Variants in EXOC4 observed in about 807,000 individuals in gnomAD.
EXOC4 encodes exocyst complex component 4.
Under a neutral mutation model 107.2 loss-of-function variants are expected in EXOC4, and 71 were observed. The observed-to-expected ratio is 0.66, with a 90% CI of 0.55 to 0.81. The LOEUF is 0.81. Ranked by LOEUF, EXOC4 falls within the 30% of genes least tolerant of loss-of-function variation. The pLI is 0.00. For synonymous variants in EXOC4, 456 were observed against 441.2 expected (o/e 1.03, Z -0.42); for missense variants, 1,108 against 1,189.6 (o/e 0.93, Z 1.01).
intron 11 of EXOC4, among the ~76,000 whole-genome samples, chr7:133,882,246 C>G (rs1345609196): frequency 6.6e-6 from 1 of 152,180 alleles, no homozygotes; most frequent in Non-Finnish European, 1.5e-5. Context: ...TTTTATTTAT[C>G]TGCTCTACTG....
chr7:133,800,561 A>G (rs1796917502), intron 10 of EXOC4, among the ~76,000 whole-genome samples: 1 of 152,220 alleles, frequency 6.6e-6, no homozygotes, highest in Non-Finnish European at 1.5e-5. Context: ...GTAATATCAC[A>G]TTATTAAGTA....
intron 5 of EXOC4, among the ~76,000 whole-genome samples, chr7:133,353,336 G>A (rs1357104958): frequency 1.3e-5 from 2 of 152,066 alleles, no homozygotes; most frequent in East Asian, 3.8e-4. Flanking sequence ...CTGAAATCCT[G>A]TAGCTTTTGT....
chr7:133,689,778 C>T (rs1157231315), intron 10 of EXOC4, among the ~76,000 whole-genome samples: 1 of 152,200 alleles, frequency 6.6e-6, no homozygotes, highest in Non-Finnish European at 1.5e-5. Context: ...TCAGAGGAGC[C>T]AGACTCAGGT....
intron 14 of EXOC4, among the ~76,000 whole-genome samples, chr7:133,944,953 A>G (rs1292730369): frequency 6.6e-6 from 1 of 152,194 alleles, no homozygotes; most frequent in Non-Finnish European, 1.5e-5. Flanking sequence ...ATAAAGTCTT[A>G]TTTTAACCCA....
chr7:133,466,104 T>C (rs964332489), intron 7 of EXOC4, among the ~76,000 whole-genome samples: 2 of 150,328 alleles, frequency 1.3e-5, no homozygotes, highest in Non-Finnish European at 3.0e-5. Context: ...GCCATTGTAC[T>C]CCAGCCTGGG....
chr7:133,846,098 A>G (rs1758297394), intron 11 of EXOC4, among the ~76,000 whole-genome samples: 2 of 152,280 alleles, frequency 1.3e-5, no homozygotes, highest in South Asian at 4.1e-4. Flanking sequence ...ATATCTCTGA[A>G]GTTGGTCTTC....
chr7:133,724,238 T>C (rs1302901932), intron 10 of EXOC4, among the ~76,000 whole-genome samples: 1 of 152,178 alleles, frequency 6.6e-6, no homozygotes, highest in Non-Finnish European at 1.5e-5. Context: ...TCTTCTTTTG[T>C]TGAGAATCCT....
chr7:133,473,334 A>G (rs1041368557), intron 7 of EXOC4, among the ~76,000 whole-genome samples: 3 of 152,204 alleles, frequency 2.0e-5, no homozygotes, highest in African/African-American at 7.2e-5. Flanking sequence ...TCATAAATAA[A>G]TAAAAAATAT....
the EXOC4 span, among the ~76,000 whole-genome samples, chr7:134,077,329 A>T: frequency 6.6e-6 from 1 of 152,228 alleles, no homozygotes; most frequent in Non-Finnish European, 1.5e-5. Flanking sequence ...GGCCTTCAAC[A>T]AATTGGATGA....
chr7:133,341,561 G>T (rs1028379895), intron 5 of EXOC4, among the ~76,000 whole-genome samples: 1 of 152,150 alleles, frequency 6.6e-6, no homozygotes, highest in East Asian at 1.9e-4. Context: ...TTGTTCTATG[G>T]TATGGTTAAG....
intron 9 of EXOC4, among the ~76,000 whole-genome samples, chr7:133,547,742 G>A (rs1335024709): frequency 1.3e-5 from 2 of 152,090 alleles, no homozygotes; most frequent in Non-Finnish European, 2.9e-5. Flanking sequence ...TCATGAGATT[G>A]TAGCAATTTC....
intron 14 of EXOC4, among the ~76,000 whole-genome samples, chr7:133,993,712 T>C (rs919976431): frequency 3.3e-5 from 5 of 152,212 alleles, no homozygotes; most frequent in African/African-American, 9.6e-5. Flanking sequence ...CCAGCACCTC[T>C]CTGATTCTTG....
chr7:133,679,771 C>G (rs965374062), intron 10 of EXOC4, among the ~76,000 whole-genome samples: 1 of 152,190 alleles, frequency 6.6e-6, no homozygotes. Context: ...CATTTTCTCA[C>G]TGCAGAACAC....
intron 10 of EXOC4, among the ~76,000 whole-genome samples, chr7:133,749,256 A>T (rs1000711836): frequency 2.0e-5 from 3 of 152,156 alleles, no homozygotes; most frequent in African/African-American, 4.8e-5. Context: ...TGAAGGGATG[A>T]TGGAAAGGAG....
At chr7:133,935,205 T>C (rs954316893) in intron 13 of EXOC4, among the ~76,000 whole-genome samples, 8 of 152,040 alleles carry the variant, frequency 5.3e-5, no homozygotes, top group African/African-American at 1.9e-4. Context: ...GAAGAGCTAC[T>C]GCAGCCCCAG....
At chr7:133,692,671 T>C (rs1455511710) in intron 10 of EXOC4, among the ~76,000 whole-genome samples, 1 of 152,200 alleles carries the variant, frequency 6.6e-6, no homozygotes, top group African/African-American at 2.4e-5. Flanking sequence ...TAAAAGTCAA[T>C]AGAGTTCTTA....
At chr7:133,659,089 C>CT (rs1350306769) in intron 10 of EXOC4, among the ~76,000 whole-genome samples, 2 of 122,384 alleles carry the variant, frequency 1.6e-5, no homozygotes, top group African/African-American at 3.1e-5. Flanking sequence ...GCTGTGGTAT[C>CT]TCCTCTCAGG....
At chr7:133,744,241 G>A (rs548898399) in intron 10 of EXOC4, among the ~76,000 whole-genome samples, 1 of 152,124 alleles carries the variant, frequency 6.6e-6, no homozygotes, top group South Asian at 2.1e-4. Context: ...TATGTACAAG[G>A]CATTATAGAA....
chr7:133,930,260 G>A (rs1800147169), intron 13 of EXOC4, among the ~76,000 whole-genome samples: 1 of 152,128 alleles, frequency 6.6e-6, no homozygotes, highest in Non-Finnish European at 1.5e-5. Context: ...CATACCTACA[G>A]AAGTCCTAGC....
Sources: gnomAD v4.1 joint callset for allele counts (sites outside exome capture counted in the v4.1 genomes callset) on GRCh38, gnomAD v4.1.1 for gene constraint, MANE v1.5 for transcripts, NCBI Gene and HGNC (gene_info 2026-07-23, HGNC 2026-07-21) for gene names.